TAF3: variants seen among roughly 807,000 people sequenced by gnomAD.
TAF3 encodes transcription initiation factor TFIID subunit 3.
Under a neutral mutation model 80.6 loss-of-function variants are expected in TAF3, and 7 were observed. The ratio of observed to expected loss-of-function variants is 0.09; its 90% CI spans 0.05 to 0.16. TAF3 has a LOEUF of 0.16. TAF3 is among the 10% of genes least tolerant of loss of function. TAF3 has a pLI of 1.00. For synonymous variants in TAF3, 444 were observed against 446.1 expected (o/e 1.00, Z 0.06); for missense variants, 921 against 1,140.2 (o/e 0.81, Z 2.77).
intron 2 of TAF3, among the ~76,000 whole-genome samples, chr10:7,950,774 C>T (rs1377325576): frequency 1.3e-5 from 2 of 152,220 alleles, no homozygotes; most frequent in Non-Finnish European, 1.5e-5. Flanking sequence ...TCAGCTCTCG[C>T]ACTATAAGGA....
chr10:7,974,666 TGAA>T (rs1325244054), intron 3 of TAF3, among the ~76,000 whole-genome samples: 7 of 151,916 alleles, frequency 4.6e-5, no homozygotes, highest in South Asian at 2.1e-4. Context: ...GGTTGAGGAA[TGAA>T]GAAGAAGTGA....
intron 2 of TAF3, among the ~76,000 whole-genome samples, chr10:7,885,311 C>A (rs545235685): frequency 6.6e-6 from 1 of 152,120 alleles, no homozygotes; most frequent in South Asian, 2.1e-4. Context: ...CCTTCCCCTA[C>A]CCCCAGTGTA....
At position 7,884,660 on chromosome 10, in the gene TAF3, T is replaced by C. The variant is rs577441040; in HGVS notation, c.409+60100T>C. Among the ~76,000 whole-genome samples the C allele has an allele frequency of 2.0e-5, 3 of 152,296 alleles. No homozygotes were observed. The South Asian group carries it at 6.2e-4, about 32-fold the overall frequency. On this transcript the variant is annotated intron_variant, in intron 2 of 6. Transcript: ENST00000344293. ...GCCTCGGCCTCCAAAAGTGCTGGGA[T>C]TACAGGCGTGCGCCGCTGCGCCTGG...
At chr10:7,954,928 C>T (rs1271863121) in intron 2 of TAF3, among the ~76,000 whole-genome samples, 1 of 140,708 alleles carries the variant, frequency 7.1e-6, no homozygotes, top group Non-Finnish European at 1.5e-5. Flanking sequence ...GAGTGCACTC[C>T]ATAGGCGAAT....
At chr10:7,864,085 AT>A (rs1837185011) in intron 2 of TAF3, among the ~76,000 whole-genome samples, 1 of 152,004 alleles carries the variant, frequency 6.6e-6, no homozygotes, top group East Asian at 1.9e-4. Flanking sequence ...TTGACACATT[AT>A]TATTACCAGA....
At chr10:7,830,632 TG>T (rs1199407133) in intron 2 of TAF3, among the ~76,000 whole-genome samples, 1 of 151,912 alleles carries the variant, frequency 6.6e-6, no homozygotes, top group African/African-American at 2.4e-5. Context: ...TACAGGTGCA[TG>T]CCACTGTGGC....
intron 1 of TAF3, among the ~76,000 whole-genome samples, chr10:7,820,691 G>A (rs1343717484): frequency 6.6e-6 from 1 of 152,090 alleles, no homozygotes; most frequent in African/African-American, 2.4e-5. Context: ...GATGTGGTCT[G>A]GTTATATTGC....
At chr10:7,829,292 G>A (rs925852982) in intron 2 of TAF3, among the ~76,000 whole-genome samples, 1 of 152,166 alleles carries the variant, frequency 6.6e-6, no homozygotes, top group Admixed American at 6.5e-5. Flanking sequence ...TATGGTACGT[G>A]TATCACAATT....
intron 4 of TAF3, among the ~76,000 whole-genome samples, chr10:7,986,077 C>G (rs143604682): frequency 6.6e-6 from 1 of 152,152 alleles, no homozygotes; most frequent in Non-Finnish European, 1.5e-5. Context: ...AGCCCCCATG[C>G]CCAGCCTTTC....
chr10:7,820,445 T>G (rs1231592069), intron 1 of TAF3, among the ~76,000 whole-genome samples: 1 of 152,242 alleles, frequency 6.6e-6, no homozygotes, highest in African/African-American at 2.4e-5. Flanking sequence ...CTTTACATAT[T>G]GAGTTCCAAA....
chr10:7,935,629 G>GCC (rs879724444), intron 2 of TAF3, among the ~76,000 whole-genome samples: 1,660 of 152,148 alleles, frequency 0.011, 17 homozygotes, highest in Middle Eastern at 0.031. Flanking sequence ...TAAGTAGAGG[G>GCC]CCAGAGAATA....
intron 2 of TAF3, among the ~76,000 whole-genome samples, chr10:7,949,742 T>A (rs566686793): frequency 7.4e-6 from 1 of 134,914 alleles, no homozygotes; most frequent in Non-Finnish European, 1.6e-5. Context: ...GTGAAGCAAT[T>A]CTTTCTTCTA....
chr10:7,882,698 C>T (rs947023927), intron 2 of TAF3, among the ~76,000 whole-genome samples: 2 of 152,168 alleles, frequency 1.3e-5, no homozygotes, highest in African/African-American at 4.8e-5. Flanking sequence ...ATCACTCCCT[C>T]AATGAGCAAG....
At chr10:7,976,367 C>G (rs1312054513) in intron 3 of TAF3, among the ~76,000 whole-genome samples, 3 of 151,718 alleles carry the variant, frequency 2.0e-5, no homozygotes, top group Non-Finnish European at 4.4e-5. Flanking sequence ...CTGCCTCAGC[C>G]TCTTGAGTAG....
At chr10:7,820,643 C>T (rs371371063) in intron 1 of TAF3, among the ~76,000 whole-genome samples, 2 of 152,100 alleles carry the variant, frequency 1.3e-5, no homozygotes, top group South Asian at 2.1e-4. Flanking sequence ...TACAGGGATA[C>T]GCCACCATGC....
chr10:7,850,719 A>G (rs1837019412), intron 2 of TAF3, among the ~76,000 whole-genome samples: 1 of 151,932 alleles, frequency 6.6e-6, no homozygotes, highest in Non-Finnish European at 1.5e-5. Flanking sequence ...ACACACATAC[A>G]TACATACACT....
intron 2 of TAF3, among the ~76,000 whole-genome samples, chr10:7,933,277 A>G (rs908817194): frequency 6.6e-6 from 1 of 152,244 alleles, no homozygotes; most frequent in African/African-American, 2.4e-5. Context: ...AAGTGTTTAC[A>G]TGAATTAAAT....
intron 2 of TAF3, among the ~76,000 whole-genome samples, chr10:7,899,552 A>G (rs143773542): frequency 2.3e-3 from 345 of 152,300 alleles, no homozygotes; most frequent in African/African-American, 8.0e-3. Context: ...ATTGCTTTCT[A>G]TTTATATTCC....
chr10:7,897,031 C>T (rs1270601127), intron 2 of TAF3, among the ~76,000 whole-genome samples: 1 of 152,176 alleles, frequency 6.6e-6, no homozygotes, highest in East Asian at 1.9e-4. Flanking sequence ...CCACATGGTC[C>T]CTCCATCCTC....
Sources: gnomAD v4.1 joint callset for allele counts (sites outside exome capture counted in the v4.1 genomes callset) on GRCh38, gnomAD v4.1.1 for gene constraint, MANE v1.5 for transcripts, NCBI Gene and HGNC (gene_info 2026-07-23, HGNC 2026-07-21) for gene names.